Variants in KCNIP4 observed in about 807,000 individuals in gnomAD.
KCNIP4 encodes the protein potassium voltage-gated channel interacting protein 4, also known as Kv channel-interacting protein 4.
Under a neutral mutation model 34.0 loss-of-function variants are expected in KCNIP4, and 12 were observed. The ratio of observed to expected loss-of-function variants is 0.35; its 90% confidence interval spans 0.23 to 0.57. The LOEUF (loss-of-function observed/expected upper bound fraction) is 0.57, where lower values mean the gene tolerates loss of function less well. Among genes scored for constraint, KCNIP4 ranks in the 20% least tolerant of loss-of-function variants. The pLI is 0.83. For synonymous variants in KCNIP4, 124 were observed against 102.2 expected (o/e 1.21, Z -1.29); for missense variants, 238 against 311.7 (o/e 0.76, Z 1.78).
chr4:21,863,019 T>G lies in KCNIP4; in HGVS notation c.61+85552A>C, dbSNP rs577422850. 5.9e-5 allele frequency among the ~76,000 whole-genome samples: 9 copies of G among 152,218 alleles called. No individual in the cohort carries two copies. The East Asian group carries it at 1.7e-3, about 29-fold the overall frequency. Reference sequence around the variant, plus strand: ...CTCAAACATTCACCTTAAGTGATTTTTTTTCCCATACTTTGGTACTGTTAA... The same window carrying G: ...CTCAAACATTCACCTTAAGTGATTTGTTTTCCCATACTTTGGTACTGTTAA... On this transcript the variant is annotated intron_variant, in intron 1 of 8. Coordinates refer to ENST00000382152, the MANE Select transcript of KCNIP4 (RefSeq NM_025221.6).
intron 1 of KCNIP4, among the ~76,000 whole-genome samples, chr4:21,085,488 G>A (rs1746340860): frequency 6.6e-6 from 1 of 152,110 alleles, no homozygotes; most frequent in Admixed American, 6.6e-5. Flanking sequence ...TATTTCATAT[G>A]TATTTCTCAT....
At chr4:21,060,492 T>A (rs960682054) in intron 1 of KCNIP4, among the ~76,000 whole-genome samples, 7 of 152,242 alleles carry the variant, frequency 4.6e-5, no homozygotes, top group Admixed American at 1.3e-4. Context: ...TTAAAGGGAA[T>A]GTTTGTTGCA....
intron 1 of KCNIP4, among the ~76,000 whole-genome samples, chr4:21,518,916 C>T (rs534993354): frequency 9.4e-4 from 143 of 152,202 alleles, no homozygotes; most frequent in Non-Finnish European, 1.8e-3. Context: ...TTGACTGCCT[C>T]TTATGGACCA....
chr4:21,418,113 T>C (rs1259214651), intron 1 of KCNIP4, among the ~76,000 whole-genome samples: 3 of 152,060 alleles, frequency 2.0e-5, no homozygotes, highest in Non-Finnish European at 2.9e-5. Flanking sequence ...TCTGAAACTG[T>C]GAAGGCTCTG....
At chr4:21,797,277 A>G (rs1401769790) in intron 1 of KCNIP4, among the ~76,000 whole-genome samples, 1 of 152,094 alleles carries the variant, frequency 6.6e-6, no homozygotes, top group African/African-American at 2.4e-5. Flanking sequence ...TGTGGCTAGG[A>G]GTACAGGTTT....
chr4:21,227,050 T>C (rs1758456446), intron 1 of KCNIP4, among the ~76,000 whole-genome samples: 1 of 152,166 alleles, frequency 6.6e-6, no homozygotes, highest in Admixed American at 6.5e-5. Flanking sequence ...TTCAGTAGAA[T>C]TCAATTTTAT....
intron 1 of KCNIP4, among the ~76,000 whole-genome samples, chr4:21,302,807 C>T (rs552583095): frequency 6.6e-6 from 1 of 152,240 alleles, no homozygotes; most frequent in East Asian, 1.9e-4. Flanking sequence ...TTTGTAAATG[C>T]AATCTCATTT....
intron 1 of KCNIP4, among the ~76,000 whole-genome samples, chr4:21,146,409 A>G (rs1030902846): frequency 6.6e-6 from 1 of 152,186 alleles, no homozygotes; most frequent in Non-Finnish European, 1.5e-5. Flanking sequence ...AAAAAAGAAA[A>G]AAAAAAGTGG....
rs532457122 is a variant in KCNIP4, at chr4:21,207,836, T to C, written c.62-325127A>G. Among the ~76,000 whole-genome samples, 471 of 146,686 alleles carry C rather than the reference T, an allele frequency of 3.2e-3. 1 individual carries two copies. The highest frequency in any genetic ancestry group is 0.012 in the African/African-American group (450 of 37,100). On this transcript the variant is annotated intron_variant, in intron 1 of 8. Coordinates refer to ENST00000382152, the MANE Select transcript of KCNIP4 (RefSeq NM_025221.6). ...ATTTTCTTTTTTTTTTCTCCTTTTT[T>C]CTTTTTCTTTTTTTTTTTTTTTCTG...
chr4:21,326,985 T>C (rs534875399), intron 1 of KCNIP4, among the ~76,000 whole-genome samples: 1 of 152,182 alleles, frequency 6.6e-6, no homozygotes, highest in African/African-American at 2.4e-5. Context: ...TGTTTATATC[T>C]TATTATTGTA....
chr4:20,942,817 G>T (rs142454293), intron 1 of KCNIP4, among the ~76,000 whole-genome samples: 2 of 151,978 alleles, frequency 1.3e-5, no homozygotes, highest in South Asian at 4.2e-4. Context: ...GATTACAGGC[G>T]CACACCACCA....
intron 1 of KCNIP4, among the ~76,000 whole-genome samples, chr4:21,079,948 C>G (rs1342892708): frequency 1.3e-5 from 2 of 151,842 alleles, no homozygotes; most frequent in African/African-American, 4.9e-5. Context: ...AAAGAATGCA[C>G]ATTGATGACA....
intron 1 of KCNIP4, among the ~76,000 whole-genome samples, chr4:21,115,917 A>G (rs1749635936): frequency 6.6e-6 from 1 of 152,232 alleles, no homozygotes; most frequent in Non-Finnish European, 1.5e-5. Context: ...CATCTATGTA[A>G]CCAAATGTTT....
intron 1 of KCNIP4, among the ~76,000 whole-genome samples, chr4:21,343,022 C>T (rs56807277): frequency 0.073 from 11,103 of 152,068 alleles, 1,223 homozygotes; most frequent in African/African-American, 0.24. Context: ...TTCCTGCTCT[C>T]CACTTCCATA....
chr4:21,345,415 T>G (rs1717190352), intron 1 of KCNIP4, among the ~76,000 whole-genome samples: 1 of 152,154 alleles, frequency 6.6e-6, no homozygotes, highest in Non-Finnish European at 1.5e-5. Flanking sequence ...AGATAAATTT[T>G]TGTTGTTTTA....
chr4:20,949,045 T>C (rs59770451), intron 1 of KCNIP4, among the ~76,000 whole-genome samples: 23,762 of 152,152 alleles, frequency 0.16, 1,956 homozygotes, highest in East Asian at 0.26. Flanking sequence ...GGTCACACCA[T>C]TGGCAAGTGG....
intron 1 of KCNIP4, among the ~76,000 whole-genome samples, chr4:21,838,890 A>G (rs890298992): frequency 1.3e-5 from 2 of 152,164 alleles, no homozygotes; most frequent in Non-Finnish European, 2.9e-5. Context: ...CTCATTCCCT[A>G]TTACTCATAA....
intron 1 of KCNIP4, among the ~76,000 whole-genome samples, chr4:21,694,154 A>G (rs1711998407): frequency 6.6e-6 from 1 of 152,208 alleles, no homozygotes; most frequent in African/African-American, 2.4e-5. Flanking sequence ...TCAATGGGGC[A>G]GCATTCATAT....
At chr4:21,452,436 C>T (rs1385010062) in intron 1 of KCNIP4, among the ~76,000 whole-genome samples, 1 of 151,972 alleles carries the variant, frequency 6.6e-6, no homozygotes, top group Non-Finnish European at 1.5e-5. Flanking sequence ...GGGGCTTGGG[C>T]TCTGTCATCA....
Sources: allele counts gnomAD v4.1 joint callset (sites outside exome capture counted in the v4.1 genomes callset), GRCh38; gene constraint gnomAD v4.1.1; transcripts MANE v1.5; gene names NCBI Gene and HGNC (gene_info 2026-07-23, HGNC 2026-07-21).